FAM110C: variants seen among roughly 807,000 people sequenced by gnomAD.
FAM110C encodes the protein protein FAM110C.
In FAM110C, 19 loss-of-function variants were observed where a neutral mutation model predicts 15.7. The ratio of observed to expected loss-of-function variants is 1.21; its 90% CI spans 0.85 to 1.78. The LOEUF is 1.78. FAM110C is among the 40% of genes most tolerant of loss of function. The probability of loss-of-function intolerance (pLI) is 0.00; values close to 1 mark genes in which losing one functional copy is unlikely to be tolerated. For missense variants in FAM110C, 547 were observed against 495.7 expected (o/e 1.10, Z -0.98); for synonymous variants, 275 against 233.9 (o/e 1.18, Z -1.61).
Position 45,600 on chromosome 2 carries a change from C to T in FAM110C, c.786G>A (p.Arg262=), listed in dbSNP as rs756467706. The change falls in exon 1 of 2, where the codon CGG becomes CGA. Residue 262 remains arginine (R), a synonymous_variant. Transcript: ENST00000327669. Reference sequence around the variant, plus strand: ...GCCCCTCGTCGTCGCCGCCGCTGTGCCGGGAGAAGCCGCTGCCGGAGGTGG... The same window carrying T: ...GCCCCTCGTCGTCGCCGCCGCTGTGTCGGGAGAAGCCGCTGCCGGAGGTGG... ...SVATSGSGFS[R]HSGGDDEGLQ... 1.9e-6 allele frequency: 3 copies of T among 1,611,934 alleles called. No homozygotes were observed. Among genetic ancestry groups the T allele is most frequent in the South Asian group, 1.1e-5 (1 of 91,058 alleles).
Position 41,517 on chromosome 2 carries a change from G to A in FAM110C, c.*91C>T. On this transcript the variant is annotated 3_prime_UTR_variant, in exon 2 of 2. Transcript: ENST00000327669. ...TTTGTCAATGGGATGCTGCATTCCT[G>A]GTAAAACAGCAATCATGTGGTCACC... 1 of 1,442,302 alleles carries A rather than the reference G, an allele frequency of 6.9e-7. No individual in the cohort carries two copies. The highest frequency in any genetic ancestry group is 9.6e-7 in the Non-Finnish European group (1 of 1,042,350). The allele number at this position is 1,442,302 out of a possible 1,614,324, so 89.3% of individuals were successfully genotyped here. A position where few individuals can be genotyped will look rare whatever the true frequency, so the allele number is the denominator to read the frequency against.
chr2:43,187 C>T (rs1664173858), intron 1 of FAM110C: 2 of 985,394 alleles, frequency 2.0e-6, no homozygotes, highest in Admixed American at 6.1e-5. Context: ...TTCAAAGAGG[C>T]CTGTGCTGTT....
In FAM110C at chr2:38,992, A is replaced by C. The variant is rs951365162; in HGVS notation, c.*2616T>G. 6.6e-6 allele frequency: 1 copy of C among 151,856 alleles called. No homozygotes were observed. The highest frequency in any genetic ancestry group is 1.5e-5 in the Non-Finnish European group (1 of 67,900). 9.4% of individuals were successfully genotyped at this position (151,856 alleles called of 1,614,324 possible). A position where few individuals can be genotyped will look rare whatever the true frequency, so the allele number is the denominator to read the frequency against. On this transcript the variant is annotated 3_prime_UTR_variant, in exon 2 of 2. Transcript: ENST00000327669. ...CAGTGCTGAACTTTGAACCAACTGAAAAAGGGGAATGTTCAATAAAGCCTC... is the reference window on the plus strand; with the variant it reads ...CAGTGCTGAACTTTGAACCAACTGACAAAGGGGAATGTTCAATAAAGCCTC...
In FAM110C at chr2:46,007, A is replaced by G. The variant is rs1266955113; in HGVS notation, c.379T>C (p.Phe127Leu). 6.8e-7 allele frequency: 1 copy of G among 1,476,622 alleles called. No homozygotes were observed. The allele number at this position is 1,476,622 out of a possible 1,614,324, so 91.5% of individuals were successfully genotyped here. A position where few individuals can be genotyped will look rare whatever the true frequency, so the allele number is the denominator to read the frequency against. ...GCCTTGTCCTTACCCGGCCCCTGGAAGAGCTTCTTCACCAGGCTTGCCCTG... is the reference window on the plus strand; with the variant it reads ...GCCTTGTCCTTACCCGGCCCCTGGAGGAGCTTCTTCACCAGGCTTGCCCTG... ...GPRASLVKKL[F>L]QGPGKDKAPV... Residue 127 changes from phenylalanine to leucine, a missense_variant, in exon 1 of 2, where the codon TTC (phenylalanine) becomes CTC (leucine). Physicochemically the swap from Phe to Leu is conservative, Grantham distance 22 (BLOSUM62 0). Coordinates refer to ENST00000327669, the MANE Select transcript of FAM110C (RefSeq NM_001077710.3).
At position 40,004 on chromosome 2, in the gene FAM110C, G is replaced by A. The variant is rs573738406; in HGVS notation, c.*1604C>T. On this transcript the variant is annotated 3_prime_UTR_variant, in exon 2 of 2. Transcript: ENST00000327669. ...TGCTGTCCTGACAGAGTCTATATTC[G>A]GCCAGCAAAGGCTCCCTAAATGTGT... 4 of 152,014 alleles carry A rather than the reference G, an allele frequency of 2.6e-5. No homozygotes were observed. The highest frequency in any genetic ancestry group is 7.3e-5 in the African/African-American group (3 of 41,378). The allele number at this position is 152,014 out of a possible 1,614,324, so 9.4% of individuals were successfully genotyped here.
Position 46,251 on chromosome 2 carries a change from G to C in FAM110C, c.135C>G (p.Ala45=). ...SAVERLAADR[A]KYVRGRPGTG... is the part of the protein sequence containing the mutation. The stretch of plus-strand genomic sequence containing the variant: ...TCCCCGGCCGACCCCGCACATACTT[G>C]GCGCGATCCGCCGCCAGCCTCTCCA... Residue 45 remains alanine, a synonymous_variant, in exon 1 of 2, where the codon GCC becomes GCG. Transcript: ENST00000327669. The C allele has an allele frequency of 7.1e-7, 1 of 1,412,806 alleles. No homozygotes were observed. Among genetic ancestry groups the C allele is most frequent in the East Asian group, 3.1e-5 (1 of 32,712 alleles). The allele number at this position is 1,412,806 out of a possible 1,614,324, so 87.5% of individuals were successfully genotyped here.
chr2:46,188 C>T lies in FAM110C; in HGVS notation c.198G>A (p.Gly66=), dbSNP rs1279255543. 11 of 1,385,984 alleles carry T rather than the reference C, an allele frequency of 7.9e-6. No individual in the cohort carries two copies. The highest frequency in any genetic ancestry group is 1.0e-5 in the Non-Finnish European group (11 of 1,077,536). The allele number at this position is 1,385,984 out of a possible 1,614,324, so 85.9% of individuals were successfully genotyped here. A position where few individuals can be genotyped will look rare whatever the true frequency, so the allele number is the denominator to read the frequency against. Residue 66 remains glycine (G), a synonymous_variant, in exon 1 of 2, where the codon GGG becomes GGA. Coordinates refer to ENST00000327669, the MANE Select transcript of FAM110C (RefSeq NM_001077710.3). The part of the protein sequence containing the change: ...RGVASEGSGP[G]AIKCPGNDPG... ...GGTCGTTCCCCGGGCACTTGATCGC[C>T]CCCGGGCCGCTGCCCTCGGAAGCGA...
At position 45,790 on chromosome 2, in the gene FAM110C, C is replaced by T. The variant is rs1322614070; in HGVS notation, c.596G>A (p.Arg199His). 6.4e-7 allele frequency: 1 copy of T among 1,559,046 alleles called. No individual in the cohort carries two copies. The highest frequency in any genetic ancestry group is 8.7e-7 in the Non-Finnish European group (1 of 1,155,364). Residue 199 changes from arginine to histidine, a missense_variant, in exon 1 of 2, where the codon CGC (arginine) becomes CAC (histidine). Transcript: ENST00000327669. ...PRVVRRRGLQ[R>H]SQSDLSSRYS... ...GCGGGAGCTGAGGTCCGACTGTGAG[C>T]GCTGCAGCCCCCGACGCCTCACCAC...
At chr2:45,162 A>T in intron 1 of FAM110C, 7 of 985,458 alleles carry the variant, frequency 7.1e-6, no homozygotes, top group Non-Finnish European at 8.4e-6. Context: ...CAAATGGGAC[A>T]TATTAATTTG....
At chr2:44,301 T>C in intron 1 of FAM110C, 8 of 985,318 alleles carry the variant, frequency 8.1e-6, no homozygotes, top group Non-Finnish European at 9.6e-6. Context: ...AATTATCTTC[T>C]TCTCATTAAT....
rs572998910 is a variant in FAM110C, at chr2:41,764, T to C, written c.947-137A>G. 3 of 1,368,292 alleles carry C rather than the reference T, an allele frequency of 2.2e-6. No homozygotes were observed. The South Asian group carries it at 5.6e-5, about 26-fold the overall frequency. The allele number at this position is 1,368,292 out of a possible 1,614,324, so 84.8% of individuals were successfully genotyped here. ...TCTCTGCATTTTGAAACATCTTCTT[T>C]TGCGTTTTAAATTTTGACAAGAGGT... On this transcript the variant is annotated intron_variant, in intron 1 of 1. Coordinates refer to ENST00000327669, the MANE Select transcript of FAM110C (RefSeq NM_001077710.3).
In FAM110C at chr2:40,837, G is replaced by C. The variant is rs1664103695; in HGVS notation, c.*771C>G. 6.6e-6 allele frequency: 1 copy of C among 152,190 alleles called. No homozygotes were observed. The highest frequency in any genetic ancestry group is 2.1e-4 in the South Asian group (1 of 4,832). 9.4% of individuals were successfully genotyped at this position (152,190 alleles called of 1,614,324 possible). On this transcript the variant is annotated 3_prime_UTR_variant, in exon 2 of 2. Transcript: ENST00000327669. ...TTCATCTGACCAAAGGAAACTCCAAGATTCTTCCGCTAACTCTCCAGAAAC... is the reference window on the plus strand; with the variant it reads ...TTCATCTGACCAAAGGAAACTCCAACATTCTTCCGCTAACTCTCCAGAAAC...
chr2:40,686 G>T lies in FAM110C; in HGVS notation c.*922C>A, dbSNP rs1235209755. ...GAGGTGTGAGTCAGATCAAAGGGCA[G>T]GGAAGAGGTCCTGCCTCAGATGCCC... On this transcript the variant is annotated 3_prime_UTR_variant, in exon 2 of 2. Coordinates refer to ENST00000327669, the MANE Select transcript of FAM110C (RefSeq NM_001077710.3). The T allele has an allele frequency of 6.6e-6, 1 of 152,170 alleles. No individual in the cohort carries two copies. Among genetic ancestry groups the T allele is most frequent in the East Asian group, 1.9e-4 (1 of 5,190 alleles). 9.4% of individuals were successfully genotyped at this position (152,170 alleles called of 1,614,324 possible).
chr2:45,708 G>T lies in FAM110C; in HGVS notation c.678C>A (p.Pro226=), dbSNP rs374506666. 6.2e-7 allele frequency: 1 copy of T among 1,603,050 alleles called. No homozygotes were observed. Among genetic ancestry groups the T allele is most frequent in the South Asian group, 1.1e-5 (1 of 89,774 alleles). The change falls in exon 1 of 2, where the codon CCC becomes CCA. Residue 226 remains proline, a synonymous_variant. Transcript: ENST00000327669. ...DTFFQYCGLD[P]EVVEALGREN... The stretch of plus-strand genomic sequence containing the variant: ...CCCTCCCCAGGGCCTCCACCACCTC[G>T]GGGTCCAGGCCGCAGTACTGGAAGA...
At position 46,302 on chromosome 2, in the gene FAM110C, G is replaced by A; in HGVS notation, c.84C>T (p.Ala28=). Reference sequence around the variant, plus strand: ...CTGCGCTCCTGCGCGCCGGCCGCGCGGCGTCGGGGTCCCGGGTAGCCGCGG... The same window carrying A: ...CTGCGCTCCTGCGCGCCGGCCGCGCAGCGTCGGGGTCCCGGGTAGCCGCGG... ...RDPAATRDPD[A]ARPARRSAVE... Residue 28 remains alanine, a synonymous_variant, in exon 1 of 2, where the codon GCC becomes GCT. Transcript: ENST00000327669. 2 of 1,334,468 alleles carry A rather than the reference G, an allele frequency of 1.5e-6. No individual in the cohort carries two copies. Among genetic ancestry groups the A allele is most frequent in the Non-Finnish European group, 9.5e-7 (1 of 1,048,180 alleles). 82.7% of individuals were successfully genotyped at this position (1,334,468 alleles called of 1,614,324 possible).
At chr2:43,653 T>A (rs985230551) in intron 1 of FAM110C, 8 of 985,282 alleles carry the variant, frequency 8.1e-6, no homozygotes, top group African/African-American at 1.7e-5. Flanking sequence ...TCTGGAGGGA[T>A]CAGAGCAGGC....
rs762470357 is a variant in FAM110C, at chr2:45,819, C to T, written c.567G>A (p.Pro189=). 4.1e-5 allele frequency: 64 copies of T among 1,544,738 alleles called. 1 individual carries two copies. The South Asian group carries it at 7.0e-4, about 17-fold the overall frequency. ...GCAGCCCCCGACGCCTCACCACCCG[C>T]GGCTCTGGCCCAGGGGGCGCGGCCG... ...SVPAAPPGPE[P]RVVRRRGLQR... Residue 189 remains proline, a synonymous_variant, in exon 1 of 2, where the codon CCG becomes CCA. Transcript: ENST00000327669.
chr2:41,821 G>A (rs542031609), intron 1 of FAM110C, 194 bp from the exon 2 acceptor site: 61 of 985,216 alleles, frequency 6.2e-5, no homozygotes, highest in Middle Eastern at 5.2e-4. Context: ...CTATCATCTC[G>A]TTTCTCTGGC....
intron 1 of FAM110C, 128 bp downstream of exon 1, chr2:45,312 A>C (rs1664244694): frequency 7.0e-7 from 1 of 1,437,704 alleles, no homozygotes; most frequent in Non-Finnish European, 9.1e-7. Context: ...GGTCCCTTTC[A>C]CACTGTAGCT....
Sources: gnomAD v4.1 joint callset for allele counts on GRCh38, gnomAD v4.1.1 for gene constraint, MANE v1.5 for transcripts, NCBI Gene and HGNC (gene_info 2026-07-23, HGNC 2026-07-21) for gene names.